Variants in STARD8 observed in about 807,000 individuals in gnomAD.
STARD8 encodes the protein StAR related lipid transfer domain containing 8.
A neutral mutation model predicts 69.4 loss-of-function variants in STARD8; 25 were observed. The ratio of observed to expected loss-of-function variants is 0.36; its 90% CI spans 0.26 to 0.50. The LOEUF (loss-of-function observed/expected upper bound fraction) is 0.50, where lower values mean the gene tolerates loss of function less well. STARD8 is among the 20% of genes least tolerant of loss of function. The pLI is 0.96. For missense variants in STARD8, 921 were observed against 932.5 expected, an observed-to-expected ratio of 0.99 and a Z score of 0.16; for synonymous variants, 389 against 374.6, an observed-to-expected ratio of 1.04 and a Z score of -0.45.
chrX:68,680,768 C>T (rs1015040407), intron 2 of STARD8, among the ~76,000 whole-genome samples: 3 of 110,843 alleles, frequency 2.7e-5, no homozygotes, highest in African/African-American at 9.9e-5. Flanking sequence ...GGCACTGTGA[C>T]TACTTCCCAG....
intron 2 of STARD8, among the ~76,000 whole-genome samples, chrX:68,674,293 C>CAAAA (rs60245351): frequency 2.8e-5 from 1 of 35,644 alleles, no homozygotes; most frequent in African/African-American, 7.3e-5. Flanking sequence ...AACTCCGTCT[C>CAAAA]AAAAAAAAAA....
intron 2 of STARD8, among the ~76,000 whole-genome samples, chrX:68,678,516 TTTC>T (rs971536681): frequency 6.2e-5 from 7 of 112,007 alleles, no homozygotes; most frequent in African/African-American, 2.3e-4. Context: ...TGCTGCCTGG[TTTC>T]TTCTTCTAGG....
At chrX:68,721,949 G>T in intron 10 of STARD8, 98 bp from the exon 11 acceptor site, 2 of 888,360 alleles carry the variant, frequency 2.3e-6, no homozygotes, top group South Asian at 5.0e-5. Flanking sequence ...GGCCAGGTTT[G>T]GCAAAGTGGC....
intron 5 of STARD8, 93 bp downstream of exon 5, chrX:68,716,524 C>A: frequency 1.1e-6 from 1 of 924,196 alleles, no homozygotes; most frequent in Non-Finnish European, 1.5e-6. Flanking sequence ...GCTCCAGTAT[C>A]CCAGGAGTCT....
chrX:68,653,809 A>G (rs1287334841), intron 1 of STARD8, among the ~76,000 whole-genome samples: 1 of 109,191 alleles, frequency 9.2e-6, no homozygotes, highest in Non-Finnish European at 1.9e-5. Context: ...ACACACACAC[A>G]CCACATACAT....
intron 2 of STARD8, among the ~76,000 whole-genome samples, chrX:68,695,807 A>ACAGATTGGAGAGGGAGCAG (rs2079915395): frequency 8.9e-6 from 1 of 111,875 alleles, no homozygotes; most frequent in Non-Finnish European, 1.9e-5. Context: ...TATTGGGACT[A>ACAGATTGGAGAGGGAGCAG]CAGATTGGAG....
intron 1 of STARD8, among the ~76,000 whole-genome samples, chrX:68,657,704 G>A (rs1447428863): frequency 1.8e-5 from 2 of 111,560 alleles, no homozygotes; most frequent in Admixed American, 9.6e-5. Flanking sequence ...GCTCAGCCTG[G>A]AAATGGGGAT....
At chrX:68,701,827 T>C (rs2079968664) in intron 2 of STARD8, among the ~76,000 whole-genome samples, 1 of 111,912 alleles carries the variant, frequency 8.9e-6, no homozygotes, top group African/African-American at 3.3e-5. Context: ...ACAACCAGGT[T>C]GCATTATTTA....
chrX:68,653,386 C>T (rs1357649583), intron 1 of STARD8, among the ~76,000 whole-genome samples: 1 of 55,775 alleles, frequency 1.8e-5, no homozygotes, highest in Non-Finnish European at 3.4e-5. Flanking sequence ...ACACCACACA[C>T]ACACACCCCA....
rs1189442991 is a variant in STARD8, at chrX:68,723,771, C to T, written c.2945C>T (p.Pro982Leu). Reference protein sequence around the residue: ...LRAQVLEALMPGVELYHYVTD... With the variant: ...LRAQVLEALMLGVELYHYVTD... ...GCCCAGGTGCTGGAAGCCCTGATGCCGGGTGTGGAGCTGTACCACTATGTC... is the reference window on the plus strand; with the variant it reads ...GCCCAGGTGCTGGAAGCCCTGATGCTGGGTGTGGAGCTGTACCACTATGTC... The change falls in exon 13 of 15, where the codon CCG becomes CTG. Residue 982 changes from proline to leucine, a missense_variant. Physicochemically the swap from Pro to Leu is moderately conservative, Grantham distance 98. Transcript: ENST00000374599. 11 of 1,178,383 alleles carry T rather than the reference C, an allele frequency of 9.3e-6. No individual in the cohort carries two copies. The highest frequency in any genetic ancestry group is 3.5e-5 in the African/African-American group (2 of 56,371).
In STARD8 at chrX:68,724,307, G is replaced by T; in HGVS notation, c.3197G>T (p.Gly1066Val). 1 of 1,209,881 alleles carries T rather than the reference G, an allele frequency of 8.3e-7. No homozygotes were observed. Among genetic ancestry groups the T allele is most frequent in the Non-Finnish European group, 1.1e-6 (1 of 894,373 alleles). Reference sequence around the variant, plus strand: ...CCTGGTTTCTTCTGCTTCCCTAGGGGCCGTTCTCCTGACTGGTACAACAAA... The same window carrying T: ...CCTGGTTTCTTCTGCTTCCCTAGGGTCCGTTCTCCTGACTGGTACAACAAA... ...LTHICRADLRGRSPDWYNKVF... is the reference protein window; with the variant it reads ...LTHICRADLRVRSPDWYNKVF... Residue 1066 changes from glycine (G) to valine (V), a missense_variant and splice_region_variant, in exon 15 of 15, where the codon GGC becomes GTC. Gly to Val is a moderately radical substitution (Grantham distance 109). Transcript: ENST00000374599.
At chrX:68,653,156 A>ACC (rs2079575297) in intron 1 of STARD8, among the ~76,000 whole-genome samples, 1 of 16,541 alleles carries the variant, frequency 6.0e-5, no homozygotes, top group Non-Finnish European at 1.3e-4. Context: ...CACCACACCA[A>ACC]ACACACACAC....
At chrX:68,651,673 G>A (rs948899750) in intron 1 of STARD8, among the ~76,000 whole-genome samples, 1 of 110,548 alleles carries the variant, frequency 9.0e-6, no homozygotes, top group African/African-American at 3.3e-5. Context: ...ATCAGCTGAA[G>A]AGGTATGAGG....
At chrX:68,650,284 T>C (rs1183513990) in intron 1 of STARD8, among the ~76,000 whole-genome samples, 1 of 107,540 alleles carries the variant, frequency 9.3e-6, no homozygotes, top group Non-Finnish European at 1.9e-5. Context: ...CTGGGCACGG[T>C]GATGCATAAT....
chrX:68,657,688 T>C (rs1602541435), intron 1 of STARD8, among the ~76,000 whole-genome samples: 1 of 111,799 alleles, frequency 8.9e-6, no homozygotes, highest in East Asian at 2.8e-4. Context: ...TCTGGAACAA[T>C]CTTAGGCTCA....
chrX:68,665,504 C>T lies in STARD8; in HGVS notation c.51C>T (p.Phe17=). The change falls in exon 2 of 15, where the codon TTC becomes TTT. Residue 17 remains phenylalanine, a synonymous_variant. Coordinates refer to ENST00000374599, the MANE Select transcript of STARD8 (RefSeq NM_001142503.3). ...CTTCTCTGTTTCTTTTGCAGTGCTT[C>T]CCATTGCTGCAGGTGAAGAAGAACG... ...FWSCFRKVKC[F]PLLQVKKNAE... 8.3e-7 allele frequency: 1 copy of T among 1,208,270 alleles called. No homozygotes were observed. Among genetic ancestry groups the T allele is most frequent in the South Asian group, 1.8e-5 (1 of 55,888 alleles).
intron 2 of STARD8, among the ~76,000 whole-genome samples, chrX:68,674,410 G>A (rs2079751102): frequency 9.0e-6 from 1 of 111,163 alleles, no homozygotes; most frequent in African/African-American, 3.3e-5. Context: ...TCGGGCCTCT[G>A]TGGGGAATAA....
chrX:68,656,282 G>C (rs970669958), intron 1 of STARD8: 3 of 112,103 alleles, frequency 2.7e-5, no homozygotes, highest in African/African-American at 9.8e-5. Flanking sequence ...GGCCATCAGA[G>C]AAATGCAAAT....
intron 1 of STARD8, among the ~76,000 whole-genome samples, chrX:68,660,549 C>T (rs1032884462): frequency 8.9e-6 from 1 of 112,024 alleles, no homozygotes; most frequent in Admixed American, 9.4e-5. Flanking sequence ...GACCTGGTGG[C>T]AGGCTCAATT....
Sources: gnomAD v4.1 joint callset for allele counts (sites outside exome capture counted in the v4.1 genomes callset) on GRCh38, gnomAD v4.1.1 for gene constraint, MANE v1.5 for transcripts, NCBI Gene and HGNC (gene_info 2026-07-23, HGNC 2026-07-21) for gene names.